Variants in NIBAN1 observed in about 807,000 individuals in gnomAD.
NIBAN1 encodes niban apoptosis regulator 1, also known as protein Niban 1.
In NIBAN1, 81 loss-of-function variants were observed where a neutral mutation model predicts 75.1. That is an observed-to-expected ratio of 1.08 (90% confidence interval 0.90 to 1.30). The LOEUF (loss-of-function observed/expected upper bound fraction) is 1.30. Ranked by LOEUF, NIBAN1 falls within the 50% of genes most tolerant of loss-of-function variation. The probability of loss-of-function intolerance (pLI) is 0.00; values close to 1 mark genes in which losing one functional copy is unlikely to be tolerated. For synonymous variants in NIBAN1, 436 were observed against 424.8 expected, an observed-to-expected ratio of 1.03 and a Z score of -0.32; for missense variants, 1,133 against 1,128.1, an observed-to-expected ratio of 1.00 and a Z score of -0.06.
intron 5 of NIBAN1, among the ~76,000 whole-genome samples, chr1:184,881,546 G>T (rs943352631): frequency 6.6e-6 from 1 of 152,162 alleles, no homozygotes; most frequent in African/African-American, 2.4e-5. Context: ...TCTCGCGCAA[G>T]AAAGAATTCA....
chr1:184,874,767 A>T (rs992627243), intron 5 of NIBAN1, among the ~76,000 whole-genome samples: 1 of 152,144 alleles, frequency 6.6e-6, no homozygotes, highest in Non-Finnish European at 1.5e-5. Flanking sequence ...AAAAATCCAC[A>T]GAGGAGGTCT....
At chr1:184,949,309 G>A (rs955564635) in intron 1 of NIBAN1, among the ~76,000 whole-genome samples, 1 of 152,192 alleles carries the variant, frequency 6.6e-6, no homozygotes, top group African/African-American at 2.4e-5. Flanking sequence ...AGTAAGCCGA[G>A]ATTGCACCAC....
At chr1:184,799,084 C>T (rs907282446) in intron 12 of NIBAN1, among the ~76,000 whole-genome samples, 1 of 151,834 alleles carries the variant, frequency 6.6e-6, no homozygotes, top group African/African-American at 2.4e-5. Flanking sequence ...GGTACATGTG[C>T]ACAATGTGCA....
chr1:184,972,880 G>T (rs1658974611), intron 1 of NIBAN1, among the ~76,000 whole-genome samples: 1 of 152,168 alleles, frequency 6.6e-6, no homozygotes, highest in Non-Finnish European at 1.5e-5. Context: ...ACTTGGCCAT[G>T]CGTCCACATT....
At chr1:184,913,343 T>TC (rs1657299581) in intron 1 of NIBAN1, among the ~76,000 whole-genome samples, 1 of 152,038 alleles carries the variant, frequency 6.6e-6, no homozygotes, top group Non-Finnish European at 1.5e-5. Context: ...ACACACAGGC[T>TC]CACCAGCATG....
chr1:184,950,894 G>A (rs921516470), intron 1 of NIBAN1, among the ~76,000 whole-genome samples: 1 of 152,174 alleles, frequency 6.6e-6, no homozygotes, highest in Non-Finnish European at 1.5e-5. Flanking sequence ...TATATTGTGA[G>A]CATATATCAT....
At chr1:184,798,044 G>A (rs746030148) in intron 13 of NIBAN1, 35 bp downstream of exon 13, 13 of 1,434,802 alleles carry the variant, frequency 9.1e-6, no homozygotes, top group Non-Finnish European at 1.3e-5. Context: ...TCCCCTCTAT[G>A]GAGTGTCCCT....
chr1:184,869,311 C>T (rs143480554), intron 5 of NIBAN1, among the ~76,000 whole-genome samples: 50 of 152,080 alleles, frequency 3.3e-4, no homozygotes, highest in African/African-American at 1.0e-3. Context: ...TGAGCTCTTA[C>T]GTAAAATTAG....
intron 6 of NIBAN1, among the ~76,000 whole-genome samples, chr1:184,830,931 C>T (rs549567380): frequency 2.5e-4 from 38 of 150,280 alleles, no homozygotes; most frequent in African/African-American, 7.6e-4. Flanking sequence ...ACTAAGGAGG[C>T]GGAGGTTGCA....
At chr1:184,947,258 G>C (rs1340929557) in intron 1 of NIBAN1, among the ~76,000 whole-genome samples, 1 of 152,052 alleles carries the variant, frequency 6.6e-6, no homozygotes, top group Non-Finnish European at 1.5e-5. Flanking sequence ...ATGAAGGTAG[G>C]GTGCTGTAGT....
intron 6 of NIBAN1, among the ~76,000 whole-genome samples, chr1:184,829,615 G>A (rs761199965): frequency 8.9e-4 from 135 of 151,784 alleles, no homozygotes; most frequent in African/African-American, 3.1e-3. Flanking sequence ...TTACAGGACC[G>A]CCACCATGCC....
chr1:184,867,591 C>T (rs1655991748), intron 5 of NIBAN1, among the ~76,000 whole-genome samples: 1 of 152,166 alleles, frequency 6.6e-6, no homozygotes, highest in Non-Finnish European at 1.5e-5. Flanking sequence ...CCTGCTTGAC[C>T]CACCGTGTTT....
chr1:184,901,959 G>A (rs753051427), intron 1 of NIBAN1, among the ~76,000 whole-genome samples: 2 of 152,056 alleles, frequency 1.3e-5, no homozygotes, highest in Non-Finnish European at 2.9e-5. Context: ...TTCTGGGGTG[G>A]GGGGAACCTA....
intron 1 of NIBAN1, among the ~76,000 whole-genome samples, chr1:184,935,066 T>C (rs1657921187): frequency 6.6e-6 from 1 of 151,964 alleles, no homozygotes; most frequent in Non-Finnish European, 1.5e-5. Context: ...CAAGAATCTG[T>C]CTCAAAAAAA....
Position 184,791,708 on chromosome 1 carries a change from T to G in NIBAN1, c.*3269A>C, listed in dbSNP as rs1200017842. ...TATGCATTTCTAATGGCTTTGCCCA[T>G]AGGAGAGATACCCAGAGTGGCAAAC... is the stretch of plus-strand genomic sequence containing the variant. On this transcript the variant is annotated 3_prime_UTR_variant, in exon 14 of 14. Coordinates refer to ENST00000367511, the MANE Select transcript of NIBAN1 (RefSeq NM_052966.4). The G allele has an allele frequency of 6.6e-6, 1 of 152,084 alleles. No homozygotes were observed. Among genetic ancestry groups the G allele is most frequent in the Admixed American group, 6.5e-5 (1 of 15,272 alleles). 9.4% of individuals were successfully genotyped at this position (152,084 alleles called of 1,614,324 possible).
At chr1:184,875,448 C>T (rs986564641) in intron 5 of NIBAN1, among the ~76,000 whole-genome samples, 7 of 152,208 alleles carry the variant, frequency 4.6e-5, no homozygotes, top group African/African-American at 1.4e-4. Context: ...AGGAAGTTTA[C>T]TCACATGGTT....
chr1:184,955,464 G>T (rs577922489), intron 1 of NIBAN1, among the ~76,000 whole-genome samples: 1 of 151,336 alleles, frequency 6.6e-6, no homozygotes, highest in Non-Finnish European at 1.5e-5. Flanking sequence ...TCAGCCTCCC[G>T]AGTAGCTGGG....
At chr1:184,899,407 T>C (rs1656887674) in intron 1 of NIBAN1, 98 bp from the exon 2 acceptor site, 1 of 1,254,540 alleles carries the variant, frequency 8.0e-7, no homozygotes. Flanking sequence ...TCTGTTTCTA[T>C]CCCTCCAGTC....
At chr1:184,972,753 A>T (rs530728376) in intron 1 of NIBAN1, among the ~76,000 whole-genome samples, 2 of 152,362 alleles carry the variant, frequency 1.3e-5, no homozygotes, top group African/African-American at 4.8e-5. Context: ...AGAAATTAAT[A>T]GCATTTTCTT....
Sources: gnomAD v4.1 joint callset for allele counts (sites outside exome capture counted in the v4.1 genomes callset) on GRCh38, gnomAD v4.1.1 for gene constraint, MANE v1.5 for transcripts, NCBI Gene and HGNC (gene_info 2026-07-23, HGNC 2026-07-21) for gene names.